The following RNF8 variants were observed in gnomAD, a reference collection of about 807,000 sequenced individuals.
RNF8 encodes E3 ubiquitin-protein ligase RNF8.
Under a neutral mutation model 59.3 loss-of-function variants are expected in RNF8, and 8 were observed. The ratio of observed to expected loss-of-function variants is 0.13; its 90% CI spans 0.08 to 0.24. The LOEUF (loss-of-function observed/expected upper bound fraction) is 0.24. Ranked by LOEUF, RNF8 falls within the 10% of genes least tolerant of loss-of-function variation. RNF8 has a pLI of 1.00. For synonymous variants in RNF8, 162 were observed against 200.0 expected (o/e 0.81, Z 1.60); for missense variants, 406 against 572.6 (o/e 0.71, Z 2.97).
At chr6:37,365,682 A>G (rs1194326227) in intron 2 of RNF8, among the ~76,000 whole-genome samples, 1 of 152,164 alleles carries the variant, frequency 6.6e-6, no homozygotes, top group African/African-American at 2.4e-5. Flanking sequence ...GAATTATCCC[A>G]CTTTTTTCCC....
At chr6:37,387,251 AG>A (rs1770542213) in intron 7 of RNF8, among the ~76,000 whole-genome samples, 1 of 152,204 alleles carries the variant, frequency 6.6e-6, no homozygotes, top group Non-Finnish European at 1.5e-5. Context: ...CTTCTACTTC[AG>A]TTACTTTCTG....
intron 4 of RNF8, among the ~76,000 whole-genome samples, 174 bp from the exon 5 acceptor site, chr6:37,374,446 G>A (rs1769930567): frequency 6.6e-6 from 1 of 152,114 alleles, no homozygotes; most frequent in Non-Finnish European, 1.5e-5. Context: ...CCTGAAAAAA[G>A]CAGCAGGTAG....
chr6:37,368,764 C>A lies in RNF8; in HGVS notation c.521C>A (p.Ser174Tyr). 2 of 1,614,074 alleles carry A rather than the reference C, an allele frequency of 1.2e-6. No individual in the cohort carries two copies. Among genetic ancestry groups the A allele is most frequent in the Non-Finnish European group, 1.7e-6 (2 of 1,180,024 alleles). The change falls in exon 3 of 8, where the codon TCC becomes TAC. Residue 174 changes from serine to tyrosine, a missense_variant. Ser to Tyr is a moderately radical substitution (Grantham distance 144). This residue lies in a region of RNF8 where 285 missense variants were observed against 342.0 expected (regional missense o/e 0.83). Transcript: ENST00000373479. ...PGAEGPSNLK[S>Y]KINKVSCESG... ...GCTGAAGGCCCCTCAAATTTGAAAT[C>A]CAAAATAAATAAAGTGTCTTGTGAA...
intron 3 of RNF8, chr6:37,369,789 A>T (rs1245863039): frequency 1.3e-5 from 2 of 153,876 alleles, no homozygotes; most frequent in African/African-American, 4.8e-5. Flanking sequence ...TATTTTGAGC[A>T]GCCAGCATGT....
At chr6:37,364,486 G>A (rs570548811) in intron 2 of RNF8, among the ~76,000 whole-genome samples, 2 of 152,180 alleles carry the variant, frequency 1.3e-5, no homozygotes, top group East Asian at 1.9e-4. Context: ...TGCATGTTCC[G>A]CTTTAGTAAA....
intron 7 of RNF8, among the ~76,000 whole-genome samples, chr6:37,390,533 G>C (rs77146403): frequency 6.6e-6 from 1 of 152,120 alleles, no homozygotes; most frequent in Non-Finnish European, 1.5e-5. Flanking sequence ...GGGCCTTGTA[G>C]GCCTTTGAAA....
chr6:37,386,527 G>C (rs1449218823), intron 7 of RNF8, among the ~76,000 whole-genome samples: 7 of 152,222 alleles, frequency 4.6e-5, no homozygotes, highest in African/African-American at 1.7e-4. Flanking sequence ...GATTGAGTTT[G>C]AGGGAACCAT....
At chr6:37,373,438 G>A (rs1383323658) in intron 4 of RNF8, among the ~76,000 whole-genome samples, 6 of 152,076 alleles carry the variant, frequency 3.9e-5, no homozygotes, top group Admixed American at 2.0e-4. Flanking sequence ...ACAGTGTCTC[G>A]TTCTGTCACC....
chr6:37,379,145 C>T (rs1403271915), intron 6 of RNF8, among the ~76,000 whole-genome samples: 2 of 152,122 alleles, frequency 1.3e-5, no homozygotes, highest in African/African-American at 2.4e-5. Context: ...TCCGGAGTAG[C>T]TGGGACTACA....
chr6:37,360,417 G>A lies in RNF8; in HGVS notation c.112-29G>A. On this transcript the variant is annotated intron_variant, in intron 1 of 7. Coordinates refer to ENST00000373479, the MANE Select transcript of RNF8 (RefSeq NM_003958.4). The surrounding 1 kb of genome is among the most constrained non-coding windows in gnomAD (Gnocchi z 4.2). ...TCCCTTTTCAGCACAATGACTGATG[G>A]TATTTCTTGCATTGTTGTTGTCTCC... The A allele has an allele frequency of 1.2e-6, 2 of 1,605,216 alleles. No homozygotes were observed. The highest frequency in any genetic ancestry group is 1.7e-6 in the Non-Finnish European group (2 of 1,178,960).
intron 7 of RNF8, among the ~76,000 whole-genome samples, chr6:37,384,616 A>G (rs1426463541): frequency 2.6e-5 from 4 of 152,178 alleles, no homozygotes; most frequent in Non-Finnish European, 4.4e-5. Context: ...CATGGCCTGT[A>G]TCTCTTGCCA....
chr6:37,382,431 C>T (rs1770309944), intron 7 of RNF8, among the ~76,000 whole-genome samples: 1 of 152,148 alleles, frequency 6.6e-6, no homozygotes, highest in Admixed American at 6.5e-5. Context: ...CAGTGTGGCC[C>T]ACACAAGACA....
At chr6:37,369,278 G>A in intron 3 of RNF8, 60 bp downstream of exon 3, 1 of 1,488,360 alleles carries the variant, frequency 6.7e-7, no homozygotes, top group Non-Finnish European at 8.9e-7. Flanking sequence ...CACTTCATGA[G>A]TCTCTGGCCA....
chr6:37,368,387 T>G (rs1286524769), intron 2 of RNF8, 97 bp from the exon 3 acceptor site: 1 of 1,611,202 alleles, frequency 6.2e-7, no homozygotes, highest in East Asian at 2.2e-5. Context: ...GAGTTTTCCT[T>G]CTGAAAAGGC....
chr6:37,386,638 A>G, intron 7 of RNF8, among the ~76,000 whole-genome samples: 1 of 152,194 alleles, frequency 6.6e-6, no homozygotes, highest in East Asian at 1.9e-4. Context: ...CAGTGACTCC[A>G]ATGAGCCCTG....
chr6:37,363,097 G>T (rs1344267156), intron 2 of RNF8, among the ~76,000 whole-genome samples: 1 of 152,130 alleles, frequency 6.6e-6, no homozygotes, highest in African/African-American at 2.4e-5. Context: ...CTCCTCTCCT[G>T]TTGCTTTTCA....
intron 4 of RNF8, among the ~76,000 whole-genome samples, chr6:37,373,441 C>T (rs551453638): frequency 7.9e-5 from 12 of 152,324 alleles, no homozygotes; most frequent in African/African-American, 2.6e-4. Context: ...GTGTCTCGTT[C>T]TGTCACCCAG....
At chr6:37,381,839 A>G (rs1312860582) in intron 7 of RNF8, among the ~76,000 whole-genome samples, 1 of 152,226 alleles carries the variant, frequency 6.6e-6, no homozygotes, top group Non-Finnish European at 1.5e-5. Flanking sequence ...TGGAGGCAGC[A>G]GGCTTGTCAC....
intron 6 of RNF8, among the ~76,000 whole-genome samples, chr6:37,378,600 CAAAAAAAAAA>C (rs554259061): frequency 1.8e-5 from 1 of 56,556 alleles, no homozygotes; most frequent in African/African-American, 5.4e-5. Flanking sequence ...GACTCCGTCT[CAAAAAAAAAA>C]AAAAAAAAAA....
Sources: gnomAD v4.1 joint callset for allele counts (sites outside exome capture counted in the v4.1 genomes callset) on GRCh38, gnomAD v4.1.1 for gene constraint, gnomAD v4.1.1 regional missense constraint, Gnocchi (gnomAD v3.1) non-coding constraint, MANE v1.5 for transcripts, NCBI Gene and HGNC (gene_info 2026-07-23, HGNC 2026-07-21) for gene names.